Variants in PPEF2 observed in about 807,000 individuals in gnomAD.
PPEF2 encodes protein phosphatase with EF-hand domain 2, also known as serine/threonine-protein phosphatase with EF-hands 2.
In PPEF2, 84 loss-of-function variants were observed where a neutral mutation model predicts 84.7. The observed-to-expected ratio is 0.99, with a 90% CI of 0.83 to 1.19. PPEF2 has a LOEUF of 1.19. Among genes scored for constraint, PPEF2 ranks in the 50% most tolerant of loss-of-function variants. The pLI is 0.00. For synonymous variants in PPEF2, 346 were observed against 345.2 expected, an observed-to-expected ratio of 1.00 and a Z score of -0.03; for missense variants, 924 against 937.5, an observed-to-expected ratio of 0.99 and a Z score of 0.19.
rs145077882 is a variant in PPEF2, at chr4:75,873,257, G to C, written c.1376C>G (p.Thr459Ser). Residue 459 changes from threonine (T) to serine (S), a missense_variant, in exon 12 of 17, where the codon ACT becomes AGT. Physicochemically the swap from Thr to Ser is moderately conservative, Grantham distance 58. Transcript: ENST00000286719. The stretch of plus-strand genomic sequence containing the variant: ...AAAATAACAGCCTCCTCCTCGAATA[G>C]TGTTGGCCTTGCAGCCCTCTTGAGC... ...PMAQEGCKAN[T>S]IRGGGCYFGP... The C allele has an allele frequency of 6.2e-7, 1 of 1,614,150 alleles. No homozygotes were observed. The highest frequency in any genetic ancestry group is 2.2e-5 in the East Asian group (1 of 44,890).
At chr4:75,871,928 G>A (rs1024279498) in intron 13 of PPEF2, 97 bp downstream of exon 13, 102 of 1,322,362 alleles carry the variant, frequency 7.7e-5, no homozygotes, top group Non-Finnish European at 9.8e-5. Context: ...GAATTCTCAC[G>A]TAGAATTTGA....
chr4:75,876,319 G>A lies in PPEF2; in HGVS notation c.1288C>T (p.Leu430=), dbSNP rs1369299814. The A allele has an allele frequency of 6.2e-7, 1 of 1,612,224 alleles. No homozygotes were observed. The highest frequency in any genetic ancestry group is 1.7e-4 in the Middle Eastern group (1 of 5,950). The change falls in exon 11 of 17, where the codon CTG becomes TTG. Residue 430 remains leucine (L), a synonymous_variant. Coordinates refer to ENST00000286719, the MANE Select transcript of PPEF2 (RefSeq NM_006239.3). ...ASEADSEAGE[L]RKPTQEEWRQ... ...CACTCCTCCTGAGTGGGCTTCCGCA[G>A]CTCTCCGGCTTCAGAGTCTGCTTCT...
At chr4:75,864,958 T>C (rs1227406501) in intron 15 of PPEF2, among the ~76,000 whole-genome samples, 1 of 152,196 alleles carries the variant, frequency 6.6e-6, no homozygotes, top group African/African-American at 2.4e-5. Flanking sequence ...TGTTTTCAGA[T>C]GGAGTTTCAC....
At chr4:75,883,975 A>G (rs1029753181) in intron 8 of PPEF2, among the ~76,000 whole-genome samples, 2 of 149,978 alleles carry the variant, frequency 1.3e-5, no homozygotes, top group African/African-American at 2.5e-5. Context: ...CTAAAAATAC[A>G]AAAAAAAATT....
intron 10 of PPEF2, among the ~76,000 whole-genome samples, chr4:75,879,129 G>A (rs1231161453): frequency 2.0e-5 from 3 of 152,172 alleles, no homozygotes; most frequent in Non-Finnish European, 4.4e-5. Flanking sequence ...CCTTAACCTA[G>A]TGGAGGGAGG....
At chr4:75,873,413 A>T in intron 11 of PPEF2, 101 bp from the exon 12 acceptor site, 1 of 1,106,530 alleles carries the variant, frequency 9.0e-7, no homozygotes, top group Non-Finnish European at 1.3e-6. Context: ...ATTTGAATAA[A>T]AATAAGTGAA....
chr4:75,865,586 G>A (rs1724107993), intron 15 of PPEF2, among the ~76,000 whole-genome samples: 1 of 151,626 alleles, frequency 6.6e-6, no homozygotes, highest in Non-Finnish European at 1.5e-5. Flanking sequence ...GGGTTTCATC[G>A]TGTTGGCCAG....
intron 16 of PPEF2, among the ~76,000 whole-genome samples, chr4:75,862,020 C>T (rs57739155): frequency 0.99 from 150,271 of 151,604 alleles, 74,491 homozygotes; most frequent in Middle Eastern, 1. Context: ...TCAGGCTGGT[C>T]GCAGTGGCTC....
chr4:75,869,619 G>A (rs1724217169), intron 13 of PPEF2, among the ~76,000 whole-genome samples: 1 of 152,248 alleles, frequency 6.6e-6, no homozygotes, highest in Non-Finnish European at 1.5e-5. Flanking sequence ...GGCCAAGGCA[G>A]GAGGATCACT....
At chr4:75,873,383 AG>A in intron 11 of PPEF2, 71 bp from the exon 12 acceptor site, 2 of 1,329,874 alleles carry the variant, frequency 1.5e-6, no homozygotes, top group Non-Finnish European at 2.1e-6. Flanking sequence ...TTCAAATGAA[AG>A]GAAGAGGAGG....
In PPEF2 at chr4:75,891,093, A is replaced by G. The variant is rs1048016417; in HGVS notation, c.241+555T>C. On this transcript the variant is annotated intron_variant, in intron 4 of 16. Transcript: ENST00000286719. The stretch of plus-strand genomic sequence containing the variant: ...CAGCTACTTGGGTATCTGAGGTTCA[A>G]TCACTTGAACCCGGGAGGTAGAGGT... 2.6e-5 allele frequency among the ~76,000 whole-genome samples: 4 copies of G among 151,930 alleles called. No individual in the cohort carries two copies. The South Asian group carries it at 6.2e-4, about 24-fold the overall frequency.
intron 2 of PPEF2, among the ~76,000 whole-genome samples, chr4:75,894,916 T>A (rs1724973446): frequency 1.3e-5 from 2 of 152,124 alleles, no homozygotes; most frequent in Admixed American, 1.3e-4. Flanking sequence ...TCCAAACAAG[T>A]GACAAACTGG....
At chr4:75,901,819 A>G (rs1047610027) in intron 1 of PPEF2, among the ~76,000 whole-genome samples, 3 of 152,130 alleles carry the variant, frequency 2.0e-5, no homozygotes, top group Non-Finnish European at 4.4e-5. Flanking sequence ...AAAATTAGCT[A>G]GGGGTGGTAG....
rs200357668 is a variant in PPEF2, at chr4:75,890,059, A to C, written c.315T>G (p.Tyr105Ter). 2 of 1,614,082 alleles carry C rather than the reference A, an allele frequency of 1.2e-6. No homozygotes were observed. Among genetic ancestry groups the C allele is most frequent in the Non-Finnish European group, 1.7e-6 (2 of 1,180,004 alleles). The change falls in exon 5 of 17, where the codon TAT (tyrosine) becomes TAG (stop). Residue 105 changes from tyrosine to a stop codon, truncating the protein, a stop_gained. Transcript: ENST00000286719. LOFTEE classifies it high-confidence loss of function. ...AACTGTCGGGTACCTCTATGGATTC[A>C]TAGTCACTGCATTTCTTCATCTCGG... ...QDSEMKKCSD[Y>*]ESIEVPDSYT...
At chr4:75,879,151 G>A (rs1724502887) in intron 10 of PPEF2, among the ~76,000 whole-genome samples, 1 of 152,216 alleles carries the variant, frequency 6.6e-6, no homozygotes, top group African/African-American at 2.4e-5. Context: ...TCCAGTACAC[G>A]AGGGATTGTA....
intron 1 of PPEF2, among the ~76,000 whole-genome samples, chr4:75,901,483 T>C (rs1308408761): frequency 2.7e-5 from 4 of 149,056 alleles, no homozygotes; most frequent in Non-Finnish European, 5.9e-5. Flanking sequence ...ATTTCGCCAC[T>C]ACACTCCAGC....
chr4:75,880,792 T>C (rs938872705), intron 10 of PPEF2, among the ~76,000 whole-genome samples: 1 of 135,334 alleles, frequency 7.4e-6, no homozygotes, highest in South Asian at 2.4e-4. Flanking sequence ...TGAGACCCCA[T>C]CCCTATAAAT....
chr4:75,896,443 G>GGCCAAATTGTCTATGAATCATGTGA (rs1725012654), intron 1 of PPEF2, 60 bp from the exon 2 acceptor site: 7 of 1,082,288 alleles, frequency 6.5e-6, no homozygotes, highest in South Asian at 1.3e-5. Flanking sequence ...AAATCGGGTG[G>GGCCAAATTGTCTATGAATCATGTGA]GCCAAATTGT....
chr4:75,882,920 C>T lies in PPEF2; in HGVS notation c.933+6G>A. On this transcript the variant is annotated splice_donor_region_variant and intron_variant, in intron 10 of 16. Transcript: ENST00000286719. ...GTGAAATTTGTATTATTTCATTAAC[C>T]ACTACCTTGCTCCTCTCTATTTTGT... The T allele has an allele frequency of 1.9e-6, 3 of 1,604,188 alleles. No homozygotes were observed. The highest frequency in any genetic ancestry group is 2.6e-6 in the Non-Finnish European group (3 of 1,175,692).
Sources: gnomAD v4.1 joint callset for allele counts (sites outside exome capture counted in the v4.1 genomes callset) on GRCh38, gnomAD v4.1.1 for gene constraint, MANE v1.5 for transcripts, NCBI Gene and HGNC (gene_info 2026-07-23, HGNC 2026-07-21) for gene names.